Variants in OR4Q3 observed in about 807,000 individuals in gnomAD.
OR4Q3 encodes the protein olfactory receptor family 4 subfamily Q member 3.
A neutral mutation model predicts 18.8 loss-of-function variants in OR4Q3; 17 were observed. That is an observed-to-expected ratio of 0.91 (90% CI 0.62 to 1.36). OR4Q3 has a LOEUF of 1.36. Among genes scored for constraint, OR4Q3 ranks in the 40% most tolerant of loss-of-function variants. OR4Q3 has a pLI of 0.00. For missense variants in OR4Q3, 378 were observed against 373.4 expected (o/e 1.01, Z -0.10); for synonymous variants, 158 against 145.8 (o/e 1.08, Z -0.60).
Position 19,748,268 on chromosome 14 carries a change from C to G in OR4Q3, c.865C>G (p.Pro289Ala). The G allele has an allele frequency of 6.0e-6, 9 of 1,494,760 alleles. No individual in the cohort carries two copies. The African/African-American group carries it at 1.1e-4, about 18-fold the overall frequency. The allele number at this position is 1,494,760 out of a possible 1,614,324, so 92.6% of individuals were successfully genotyped here. A position where few individuals can be genotyped will look rare whatever the true frequency, so the allele number is the denominator to read the frequency against. Residue 289 changes from proline to alanine, a missense_variant, in exon 2 of 2, where the codon CCT becomes GCT. Coordinates refer to ENST00000642117, the Ensembl canonical transcript of OR4Q3. ...CTCCTTGTTTTACACAGTGATTACA[C>G]CTATGTTGAACCCCCTCATCTACAC...
intron 1 of OR4Q3, among the ~76,000 whole-genome samples, chr14:19,744,957 G>T: frequency 6.6e-6 from 1 of 152,120 alleles, no homozygotes; most frequent in Non-Finnish European, 1.5e-5. Context: ...ACCAAATGTG[G>T]AAATGTTACT....
chr14:19,749,408 G>A, exon 2 of OR4Q3: 1 of 152,310 alleles, frequency 6.6e-6, no homozygotes, highest in African/African-American at 2.4e-5. Flanking sequence ...AGACCAGCTT[G>A]AGCAATATGG....
At chr14:19,747,504 T>C in exon 2 of OR4Q3, 1 of 1,613,550 alleles carries the variant, frequency 6.2e-7, no homozygotes, top group East Asian at 2.2e-5. Flanking sequence ...CTGCAGCTAT[T>C]TCTCTTCTTA....
At chr14:19,745,540 C>T in intron 1 of OR4Q3, among the ~76,000 whole-genome samples, 2 of 152,076 alleles carry the variant, frequency 1.3e-5, no homozygotes, top group African/African-American at 2.4e-5. Flanking sequence ...TGTTTTCTGG[C>T]TTCTAGAAAC....
chr14:19,747,837 T>G, exon 2 of OR4Q3: 2 of 1,608,072 alleles, frequency 1.2e-6, no homozygotes, highest in Non-Finnish European at 1.7e-6. Context: ...CTTACAGTCA[T>G]GAACCCCCAG....
chr14:19,745,112 G>A, intron 1 of OR4Q3, among the ~76,000 whole-genome samples: 7 of 151,998 alleles, frequency 4.6e-5, no homozygotes, highest in African/African-American at 1.7e-4. Flanking sequence ...GACATACAGG[G>A]CTGCCTATTT....
exon 2 of OR4Q3, chr14:19,747,458 G>A: frequency 6.2e-7 from 1 of 1,609,206 alleles, no homozygotes; most frequent in East Asian, 2.2e-5. Context: ...TAATGTGACA[G>A]AATTTGTTCT....
At chr14:19,744,844 T>A in intron 1 of OR4Q3, among the ~76,000 whole-genome samples, 2 of 152,280 alleles carry the variant, frequency 1.3e-5, no homozygotes, top group East Asian at 3.9e-4. Context: ...CATTCCTTCA[T>A]GTTGATGGGT....
exon 2 of OR4Q3, chr14:19,747,795 G>T: frequency 6.2e-7 from 1 of 1,613,922 alleles, no homozygotes; most frequent in African/African-American, 1.3e-5. Flanking sequence ...GCCTATGACA[G>T]GTATGTTGCC....
intron 1 of OR4Q3, among the ~76,000 whole-genome samples, chr14:19,744,190 T>C (rs1877377262): frequency 2.0e-5 from 3 of 152,198 alleles, no homozygotes; most frequent in African/African-American, 2.4e-5. Flanking sequence ...CTTCAACTAA[T>C]GGTGTGTCCA....
chr14:19,752,083 A>G, downstream of OR4Q3, among the ~76,000 whole-genome samples: 9 of 152,238 alleles, frequency 5.9e-5, no homozygotes, highest in Non-Finnish European at 1.2e-4. Context: ...ACCAAAATCT[A>G]GGACATATTT....
chr14:19,744,238 A>G (rs1259628660), intron 1 of OR4Q3, among the ~76,000 whole-genome samples: 15 of 152,188 alleles, frequency 9.9e-5, no homozygotes, highest in South Asian at 4.1e-4. Context: ...AATGCATCAA[A>G]TGTGTCTAAA....
chr14:19,751,678 A>G, downstream of OR4Q3, among the ~76,000 whole-genome samples: 1 of 152,136 alleles, frequency 6.6e-6, no homozygotes, highest in African/African-American at 2.4e-5. Flanking sequence ...TTGTGTGCAT[A>G]GAGTTGTTCA....
chr14:19,749,853 TCTTTCTTTCTTTCTTTCTTTCTTTC>T, downstream of OR4Q3, among the ~76,000 whole-genome samples: 1 of 4,200 alleles, frequency 2.4e-4, no homozygotes, highest in African/African-American at 3.9e-4. Flanking sequence ...ATTACTTCTT[TCTTTCTTTCTTTCTTTCTTTCTTTC>T]TTTCTTTCTT....
chr14:19,751,524 G>C, downstream of OR4Q3, among the ~76,000 whole-genome samples: 696 of 150,296 alleles, frequency 4.6e-3, no homozygotes, highest in African/African-American at 0.016. Flanking sequence ...GCTTTTTTTG[G>C]TTAGTAGAGT....
chr14:19,748,495 A>G, exon 2 of OR4Q3: 1 of 733,758 alleles, frequency 1.4e-6, no homozygotes, highest in Non-Finnish European at 2.2e-6. Flanking sequence ...TAAAGATTAT[A>G]ATGGATCACT....
At chr14:19,750,174 G>A, downstream of OR4Q3, among the ~76,000 whole-genome samples, 7 of 152,082 alleles carry the variant, frequency 4.6e-5, no homozygotes, top group South Asian at 2.1e-4. Flanking sequence ...TAGTAAAGAC[G>A]GGGTTTCTCC....
At chr14:19,748,433 G>C in exon 2 of OR4Q3, 1 of 1,271,070 alleles carries the variant, frequency 7.9e-7, no homozygotes. Context: ...AACTCATCTT[G>C]TACATGGGTA....
chr14:19,750,471 GT>G, downstream of OR4Q3, among the ~76,000 whole-genome samples: 1 of 152,164 alleles, frequency 6.6e-6, no homozygotes, highest in Non-Finnish European at 1.5e-5. Flanking sequence ...CTTTTACAAT[GT>G]TTTTTATATT....
Sources: gnomAD v4.1 joint callset for allele counts (sites outside exome capture counted in the v4.1 genomes callset) on GRCh38, gnomAD v4.1.1 for gene constraint, MANE v1.5 for transcripts, NCBI Gene and HGNC (gene_info 2026-07-23, HGNC 2026-07-21) for gene names.